The following SKP2 variants were observed in gnomAD, a reference collection of about 807,000 sequenced individuals.
The protein encoded by SKP2 is S-phase kinase-associated protein 2.
A neutral mutation model predicts 51.8 loss-of-function variants in SKP2; 16 were observed. The observed-to-expected ratio is 0.31, with a 90% CI of 0.21 to 0.47. The LOEUF (loss-of-function observed/expected upper bound fraction) is 0.47, where lower values mean the gene tolerates loss of function less well. SKP2 is among the 20% of genes least tolerant of loss of function. The probability of loss-of-function intolerance (pLI) is 1.00; values close to 1 mark genes in which losing one functional copy is unlikely to be tolerated. For synonymous variants in SKP2, 176 were observed against 198.6 expected (o/e 0.89, Z 0.96); for missense variants, 377 against 505.3 (o/e 0.75, Z 2.43).
downstream of SKP2, among the ~76,000 whole-genome samples, chr5:36,184,682 T>G (rs1486498338): frequency 6.6e-6 from 1 of 152,250 alleles, no homozygotes; most frequent in Non-Finnish European, 1.5e-5. Context: ...TTTGGGTTGG[T>G]TCCAAGTCTT....
At chr5:36,173,499 C>G (rs527973232) in intron 7 of SKP2, among the ~76,000 whole-genome samples, 1 of 152,286 alleles carries the variant, frequency 6.6e-6, no homozygotes, top group East Asian at 1.9e-4. Context: ...GTTTATATTT[C>G]TTTCCCACAT....
intron 5 of SKP2, 151 bp from the exon 6 acceptor site, chr5:36,170,193 T>C (rs1487640718): frequency 2.2e-6 from 1 of 461,656 alleles, no homozygotes; most frequent in East Asian, 3.4e-5. Context: ...CAAATTATCC[T>C]GTTTGATGTC....
At position 36,152,152 on chromosome 5, in the gene SKP2, T is replaced by TG; in HGVS notation, c.-106dup. On this transcript the variant is annotated 5_prime_UTR_variant, in exon 1 of 10. Coordinates refer to ENST00000274255, the MANE Select transcript of SKP2 (RefSeq NM_005983.4). ...TGCTAGGCTTAGCGGGTCTGGCTGC[T>TG]GGGGGCCCGAGCAGCACGCTCGGAG... The TG allele has an allele frequency of 8.8e-7, 1 of 1,138,740 alleles. No homozygotes were observed. Among genetic ancestry groups the TG allele is most frequent in the Non-Finnish European group, 1.3e-6 (1 of 751,534 alleles). 70.5% of individuals were successfully genotyped at this position (1,138,740 alleles called of 1,614,324 possible).
downstream of SKP2, among the ~76,000 whole-genome samples, chr5:36,185,357 T>A (rs1745939284): frequency 6.6e-6 from 1 of 152,226 alleles, no homozygotes; most frequent in Non-Finnish European, 1.5e-5. Context: ...TGAATGGTAT[T>A]GCCTAGGTTT....
rs1311963460 is a variant in SKP2 at position 36,152,897 on chromosome 5, G to A, written c.135G>A (p.Glu45=). The A allele has an allele frequency of 4.3e-6, 7 of 1,614,074 alleles. No homozygotes were observed. The highest frequency in any genetic ancestry group is 3.3e-4 in the Middle Eastern group (2 of 6,062). The change falls in exon 2 of 10, where the codon GAG becomes GAA. Residue 45 remains glutamate (E), a synonymous_variant. Transcript: ENST00000274255. ...GMGVSALEKE[E]PDSENIPQEL... ...GGGTCTCCGCCCTGGAGAAAGAGGA[G>A]CCCGACAGTGAGAACATCCCCCAGG...
intron 9 of SKP2, among the ~76,000 whole-genome samples, chr5:36,178,238 G>A (rs1745696454): frequency 6.6e-6 from 1 of 152,154 alleles, no homozygotes; most frequent in Non-Finnish European, 1.5e-5. Flanking sequence ...TGTAGCTCAT[G>A]AACTAAAAGT....
chr5:36,153,160 A>ATCCCAGCACTTTGGGAGGCCGAG, intron 2 of SKP2, 118 bp downstream of exon 2: 1 of 972,470 alleles, frequency 1.0e-6, no homozygotes, highest in South Asian at 1.7e-5. Flanking sequence ...CTAATTCTGA[A>ATCCCAGCACTTTGGGAGGCCGAG]GCTATTTTTC....
chr5:36,171,631 T>G lies in SKP2; in HGVS notation c.799T>G (p.Phe267Val). The stretch of plus-strand genomic sequence containing the variant: ...GGATGAGCTGAACCTCTCCTGGTGT[T>G]TTGATTTCACTGAAAAGCATGTACA... ...RLDELNLSWC[F>V]DFTEKHVQVA... The change falls in exon 7 of 10, where the codon TTT (phenylalanine) becomes GTT (valine). Residue 267 changes from phenylalanine (F) to valine (V), a missense_variant. Around this residue, in one of 2 missense-constraint regions of SKP2, gnomAD observed 262 missense variants for 389.8 expected, o/e 0.67. Transcript: ENST00000274255. 1.9e-6 allele frequency: 3 copies of G among 1,613,934 alleles called. No individual in the cohort carries two copies. The highest frequency in any genetic ancestry group is 2.5e-6 in the Non-Finnish European group (3 of 1,179,806).
intron 3 of SKP2, among the ~76,000 whole-genome samples, chr5:36,165,469 C>T (rs1745254143): frequency 6.6e-6 from 1 of 152,134 alleles, no homozygotes; most frequent in Non-Finnish European, 1.5e-5. Context: ...TGCCTTCTTG[C>T]AAGAGGAAAC....
downstream of SKP2, chr5:36,184,392 C>T (rs1409038204): frequency 1.3e-5 from 2 of 152,790 alleles, no homozygotes; most frequent in East Asian, 3.9e-4. Flanking sequence ...GGTATATCTC[C>T]TAATGCTATC....
At chr5:36,190,324 G>A (rs941748163) in intron 6 of SKP2, among the ~76,000 whole-genome samples, 3 of 152,268 alleles carry the variant, frequency 2.0e-5, no homozygotes, top group East Asian at 1.9e-4. Flanking sequence ...ACTGGGAGCT[G>A]TAGACTGGAG....
At chr5:36,175,998 C>T (rs181276989) in intron 7 of SKP2, among the ~76,000 whole-genome samples, 29 of 151,610 alleles carry the variant, frequency 1.9e-4, no homozygotes, top group African/African-American at 6.5e-4. Context: ...GGAATCAGTT[C>T]ACTATCCAAA....
chr5:36,166,116 A>G (rs1437043489), intron 3 of SKP2, among the ~76,000 whole-genome samples: 2 of 152,240 alleles, frequency 1.3e-5, no homozygotes, highest in Non-Finnish European at 2.9e-5. Flanking sequence ...ATTGCTTGAC[A>G]AAAGTGTCAA....
chr5:36,169,350 C>T (rs566732410), intron 5 of SKP2, among the ~76,000 whole-genome samples: 1 of 152,102 alleles, frequency 6.6e-6, no homozygotes, highest in Non-Finnish European at 1.5e-5. Context: ...GAGGCTGAGG[C>T]AGGAGAATCG....
At chr5:36,190,515 A>G (rs1745998552) in intron 6 of SKP2, among the ~76,000 whole-genome samples, 1 of 152,262 alleles carries the variant, frequency 6.6e-6, no homozygotes, top group South Asian at 2.1e-4. Flanking sequence ...ATTGTCATTC[A>G]GAAACTATTT....
intron 7 of SKP2, chr5:36,193,458 A>G (rs1296196878): frequency 6.8e-6 from 1 of 146,472 alleles, no homozygotes; most frequent in Non-Finnish European, 1.5e-5. Flanking sequence ...TGGGTGACAA[A>G]GCAAGACTCC....
chr5:36,186,814 A>G (rs1403840631), downstream of SKP2, among the ~76,000 whole-genome samples: 1 of 152,124 alleles, frequency 6.6e-6, no homozygotes, highest in Non-Finnish European at 1.5e-5. Flanking sequence ...TTTCAGAAGG[A>G]ATGGTACCAG....
chr5:36,189,568 C>T (rs1016172418), intron 6 of SKP2, among the ~76,000 whole-genome samples: 6 of 152,316 alleles, frequency 3.9e-5, no homozygotes, highest in Middle Eastern at 3.4e-3. Flanking sequence ...GCTGACTGAC[C>T]GTTCCTCTGG....
intron 2 of SKP2, among the ~76,000 whole-genome samples, chr5:36,154,093 T>C (rs1744861638): frequency 6.6e-6 from 1 of 152,136 alleles, no homozygotes; most frequent in Non-Finnish European, 1.5e-5. Context: ...ACTATTTTTA[T>C]ATAGTATGTT....
Sources: gnomAD v4.1 joint callset for allele counts (sites outside exome capture counted in the v4.1 genomes callset) on GRCh38, gnomAD v4.1.1 for gene constraint, gnomAD v4.1.1 regional missense constraint, MANE v1.5 for transcripts, NCBI Gene and HGNC (gene_info 2026-07-23, HGNC 2026-07-21) for gene names.